Variants in NLGN4Y observed in about 807,000 individuals in gnomAD.
NLGN4Y encodes the protein neuroligin-4, Y-linked.
NLGN4Y carries 4 observed loss-of-function variants against 8.4 expected under a neutral mutation model. That is an observed-to-expected ratio of 0.48 (90% CI 0.23 to 1.09). The LOEUF is 1.09. Ranked by LOEUF, NLGN4Y falls within the 50% of genes least tolerant of loss-of-function variation. The probability of loss-of-function intolerance (pLI) is 0.19; values close to 1 mark genes in which losing one functional copy is unlikely to be tolerated. For synonymous variants in NLGN4Y, 35 were observed against 75.6 expected (o/e 0.46, Z 2.78); for missense variants, 90 against 192.3 (o/e 0.47, Z 3.15).
intron 2 of NLGN4Y, among the ~76,000 whole-genome samples, chrY:14,688,351 A>G: frequency 1.2e-4 from 4 of 33,436 alleles, no homozygotes. Context: ...GAGAAGGCAA[A>G]GGGCAAAAGA....
At chrY:14,564,234 G>A (rs2080243814) in intron 1 of NLGN4Y, among the ~76,000 whole-genome samples, 1 of 33,362 alleles carries the variant, frequency 3.0e-5, no homozygotes, top group Non-Finnish European at 7.4e-5. Context: ...ATTCTGGTAC[G>A]TTATGTCTTG....
intron 4 of NLGN4Y, among the ~76,000 whole-genome samples, chrY:14,784,659 C>CAA (rs377591643): frequency 5.0e-4 from 4 of 8,015 alleles, no homozygotes; most frequent in African/African-American, 2.0e-3. Flanking sequence ...GAATCCGTCT[C>CAA]AAAAAAAAAA....
Position 14,701,199 on chromosome Y carries a change from A to G in NLGN4Y, c.473-18260A>G, listed in dbSNP as rs1603502836. Among the ~76,000 whole-genome samples, 6 of 29,245 alleles carry G rather than the reference A, an allele frequency of 2.1e-4. No individual in the cohort carries two copies. In the South Asian group the frequency reaches 2.5e-3, roughly 12 times the overall value. The allele number at this position is 29,245 out of a possible 37,273, so 78.5% of individuals were successfully genotyped here. A position where few individuals can be genotyped will look rare whatever the true frequency, so the allele number is the denominator to read the frequency against. On this transcript the variant is annotated intron_variant, in intron 2 of 6. Coordinates refer to ENST00000684976, the MANE Select transcript of NLGN4Y (RefSeq NM_001365588.1). ...ATGCTAAGCCCGCATGCACACGCACACACACACACACACACACACACACAC... is the reference window on the plus strand; with the variant it reads ...ATGCTAAGCCCGCATGCACACGCACGCACACACACACACACACACACACAC...
chrY:14,819,499 T>C, intron 4 of NLGN4Y, among the ~76,000 whole-genome samples: 1 of 33,099 alleles, frequency 3.0e-5, no homozygotes, highest in South Asian at 7.1e-4. Context: ...AGGGGACATG[T>C]ACCTAGGTTC....
chrY:14,525,591 G>A (rs2080090342), intron 1 of NLGN4Y, among the ~76,000 whole-genome samples: 1 of 33,113 alleles, frequency 3.0e-5, no homozygotes, highest in Non-Finnish European at 7.5e-5. Context: ...AGCAGGTGAC[G>A]TCCTTGCGAG....
At chrY:14,619,333 T>C in intron 1 of NLGN4Y, among the ~76,000 whole-genome samples, 1 of 34,162 alleles carries the variant, frequency 2.9e-5, no homozygotes, top group South Asian at 6.5e-4. Flanking sequence ...CCTGGGATAG[T>C]GTGTAATACC....
At chrY:14,638,736 T>G in intron 2 of NLGN4Y, among the ~76,000 whole-genome samples, 1 of 33,476 alleles carries the variant, frequency 3.0e-5, no homozygotes, top group African/African-American at 1.2e-4. Context: ...AAGGATTAAT[T>G]TCTTTGAGAT....
At chrY:14,563,412 GC>G (rs2080241465) in intron 1 of NLGN4Y, among the ~76,000 whole-genome samples, 1 of 33,318 alleles carries the variant, frequency 3.0e-5, no homozygotes, top group East Asian at 7.9e-4. Context: ...TATTGGATAA[GC>G]TTTTTGATGT....
intron 4 of NLGN4Y, among the ~76,000 whole-genome samples, chrY:14,768,624 T>C: frequency 3.0e-5 from 1 of 32,841 alleles, no homozygotes; most frequent in African/African-American, 1.2e-4. Context: ...CCCATGGTCT[T>C]AGCCTACCTC....
chrY:14,658,066 G>A lies in NLGN4Y; in HGVS notation c.472+35475G>A, dbSNP rs368775387. 5.1e-3 allele frequency among the ~76,000 whole-genome samples: 171 copies of A among 33,414 alleles called. No homozygotes were observed. The South Asian group carries it at 0.082, about 16-fold the overall frequency. The allele number at this position is 33,414 out of a possible 37,273, so 89.6% of individuals were successfully genotyped here. ...ATGTTACAAGGGTATATTGTGTAATGCTGAGGTTTGGGCTTCTGTTAGGTT... is the reference window on the plus strand; with the variant it reads ...ATGTTACAAGGGTATATTGTGTAATACTGAGGTTTGGGCTTCTGTTAGGTT... On this transcript the variant is annotated intron_variant, in intron 2 of 6. Coordinates refer to ENST00000684976, the MANE Select transcript of NLGN4Y (RefSeq NM_001365588.1).
intron 2 of NLGN4Y, among the ~76,000 whole-genome samples, chrY:14,690,520 A>T: frequency 3.0e-5 from 1 of 32,946 alleles, no homozygotes; most frequent in Non-Finnish European, 7.5e-5. Flanking sequence ...TGAACAAGAC[A>T]TGACAGTGAA....
In NLGN4Y at chrY:14,673,023, C is replaced by A; in HGVS notation, c.473-46436C>A. ...CCTTCCTTACACCTTATACAAAAAT[C>A]AATTCAAGATGGATTAAAGACTTAA... On this transcript the variant is annotated intron_variant, in intron 2 of 6. Coordinates refer to ENST00000684976, the MANE Select transcript of NLGN4Y (RefSeq NM_001365588.1). Among the ~76,000 whole-genome samples, 3 of 25,465 alleles carry A rather than the reference C, an allele frequency of 1.2e-4. No homozygotes were observed. In the South Asian group the frequency reaches 3.0e-3, roughly 26 times the overall value. 68.3% of individuals were successfully genotyped at this position (25,465 alleles called of 37,273 possible).
At chrY:14,561,220 A>G in intron 1 of NLGN4Y, among the ~76,000 whole-genome samples, 2 of 32,212 alleles carry the variant, frequency 6.2e-5, no homozygotes, top group African/African-American at 1.2e-4. Flanking sequence ...TCCTAATGTT[A>G]TCCCTCCCTT....
chrY:14,653,595 G>C, intron 2 of NLGN4Y, among the ~76,000 whole-genome samples: 1 of 32,603 alleles, frequency 3.1e-5, no homozygotes, highest in African/African-American at 1.2e-4. Context: ...TGTTGCCCAG[G>C]CTGGAGTGCA....
intron 1 of NLGN4Y, among the ~76,000 whole-genome samples, chrY:14,570,834 G>C: frequency 7.6e-5 from 2 of 26,157 alleles, no homozygotes; most frequent in Non-Finnish European, 1.7e-4. Context: ...CTGTGAGTGA[G>C]AACATGTGGT....
At chrY:14,607,730 G>A (rs897537074) in intron 1 of NLGN4Y, among the ~76,000 whole-genome samples, 1 of 34,024 alleles carries the variant, frequency 2.9e-5, no homozygotes, top group East Asian at 7.7e-4. Flanking sequence ...AATCCTTTGG[G>A]TATGTACCCA....
chrY:14,648,196 C>T (rs376389027), intron 2 of NLGN4Y, among the ~76,000 whole-genome samples: 3 of 33,385 alleles, frequency 9.0e-5, no homozygotes, highest in East Asian at 7.9e-4. Context: ...GAGGCCCAGG[C>T]GGGCAGATCA....
chrY:14,617,575 G>C (rs754103462), intron 1 of NLGN4Y, among the ~76,000 whole-genome samples: 366 of 31,272 alleles, frequency 0.012, no homozygotes, highest in African/African-American at 0.044. Context: ...TCCCAGTCAG[G>C]AGGCAAGGGG....
intron 2 of NLGN4Y, among the ~76,000 whole-genome samples, chrY:14,629,746 C>T (rs1457265502): frequency 1.2e-4 from 4 of 33,333 alleles, no homozygotes; most frequent in South Asian, 6.7e-4. Context: ...GCTCAGTTGA[C>T]GCAATAGTAA....
Sources: allele counts gnomAD v4.1 joint callset (sites outside exome capture counted in the v4.1 genomes callset), GRCh38; gene constraint gnomAD v4.1.1; transcripts MANE v1.5; gene names NCBI Gene and HGNC (gene_info 2026-07-23, HGNC 2026-07-21).